The following CADPS variants were observed in gnomAD, a reference collection of about 807,000 sequenced individuals.
CADPS encodes the protein calcium dependent secretion activator.
Under a neutral mutation model 167.3 loss-of-function variants are expected in CADPS, and 57 were observed. The observed-to-expected ratio is 0.34, with a 90% CI of 0.28 to 0.42. The LOEUF is 0.42. Among genes scored for constraint, CADPS ranks in the 20% least tolerant of loss-of-function variants. CADPS has a pLI of 1.00. For missense variants in CADPS, 1,414 were observed against 1,738.1 expected (o/e 0.81, Z 3.32); for synonymous variants, 676 against 635.3 (o/e 1.06, Z -0.96).
intron 3 of CADPS, among the ~76,000 whole-genome samples, chr3:62,686,736 C>T (rs185900302): frequency 2.0e-5 from 3 of 151,994 alleles, no homozygotes; most frequent in Non-Finnish European, 4.4e-5. Flanking sequence ...ATTGGTGACT[C>T]ATAATAAGTA....
chr3:62,652,421 AAAT>A (rs1171050103), intron 4 of CADPS, among the ~76,000 whole-genome samples: 72 of 145,552 alleles, frequency 4.9e-4, no homozygotes, highest in African/African-American at 1.5e-3. Context: ...AAAAAAAAAA[AAAT>A]AAGCTGTGTA....
chr3:62,769,314 C>T (rs1308214199), intron 1 of CADPS, among the ~76,000 whole-genome samples: 1 of 150,454 alleles, frequency 6.6e-6, no homozygotes, highest in Non-Finnish European at 1.5e-5. Flanking sequence ...TCACTGCAAC[C>T]TCCACCTCCT....
At chr3:62,819,174 G>A (rs1400296990) in intron 1 of CADPS, among the ~76,000 whole-genome samples, 3 of 152,008 alleles carry the variant, frequency 2.0e-5, no homozygotes, top group East Asian at 3.9e-4. Context: ...TGTTTGAATG[G>A]ATGTAAATTA....
chr3:62,456,123 CA>C (rs954110565), intron 26 of CADPS, among the ~76,000 whole-genome samples: 2 of 152,048 alleles, frequency 1.3e-5, no homozygotes, highest in Admixed American at 1.3e-4. Flanking sequence ...ACTAGCTGTG[CA>C]AGTCATTTTC....
intron 4 of CADPS, among the ~76,000 whole-genome samples, chr3:62,657,657 T>A (rs1563448130): frequency 6.6e-6 from 1 of 152,186 alleles, no homozygotes; most frequent in Non-Finnish European, 1.5e-5. Context: ...TAAGGCAGCA[T>A]GACTGATGTT....
chr3:62,409,575 C>T (rs974729167), intron 28 of CADPS, among the ~76,000 whole-genome samples: 2 of 152,104 alleles, frequency 1.3e-5, no homozygotes, highest in African/African-American at 2.4e-5. Flanking sequence ...TGAATGAGTC[C>T]GAAGGCTACC....
intron 1 of CADPS, among the ~76,000 whole-genome samples, chr3:62,787,856 T>C (rs536638418): frequency 1.3e-5 from 2 of 152,324 alleles, no homozygotes; most frequent in East Asian, 3.9e-4. Context: ...CTTTGGCACA[T>C]GGTAAGTATG....
At chr3:62,463,496 A>G (rs2059613857) in intron 26 of CADPS, among the ~76,000 whole-genome samples, 1 of 152,096 alleles carries the variant, frequency 6.6e-6, no homozygotes, top group Non-Finnish European at 1.5e-5. Flanking sequence ...AATATTTCCC[A>G]CTCATGTGCC....
intron 16 of CADPS, among the ~76,000 whole-genome samples, chr3:62,515,209 G>A (rs1286897550): frequency 4.6e-5 from 7 of 152,066 alleles, no homozygotes; most frequent in Admixed American, 3.3e-4. Flanking sequence ...CATGTTTCAC[G>A]TGTGAGAGAA....
rs1250163102 is a variant in CADPS, at chr3:62,466,406, T to C, written c.3485A>G (p.Tyr1162Cys). The change falls in exon 25 of 30, where the codon TAC becomes TGC. Residue 1162 changes from tyrosine (Y) to cysteine (C), a missense_variant. Tyr to Cys is a radical substitution (Grantham distance 194). Coordinates refer to ENST00000383710, the MANE Select transcript of CADPS (RefSeq NM_003716.4). ...AATTAGTTCGTCTATTTTTGAATGG[T>C]ATTGATGCTAAGAACACAGAAAGAC... is the stretch of plus-strand genomic sequence containing the variant. ...CSMEMGQEHQ[Y>C]HSKIDELIEE... 2 of 1,601,268 alleles carry C rather than the reference T, an allele frequency of 1.2e-6. No individual in the cohort carries two copies. Among genetic ancestry groups the C allele is most frequent in the African/African-American group, 1.3e-5 (1 of 74,682 alleles).
At chr3:62,410,182 A>G (rs2048694203) in intron 28 of CADPS, among the ~76,000 whole-genome samples, 1 of 152,242 alleles carries the variant, frequency 6.6e-6, no homozygotes, top group Non-Finnish European at 1.5e-5. Context: ...CATACCATGC[A>G]GAAACACACA....
At chr3:62,872,856 C>T (rs2082877872) in intron 1 of CADPS, among the ~76,000 whole-genome samples, 1 of 152,084 alleles carries the variant, frequency 6.6e-6, no homozygotes, top group South Asian at 2.1e-4. Flanking sequence ...TTTTCATTGT[C>T]AAAGGAATGG....
intron 13 of CADPS, among the ~76,000 whole-genome samples, chr3:62,529,792 T>A (rs2073227067): frequency 1.3e-5 from 2 of 152,184 alleles, no homozygotes; most frequent in South Asian, 4.1e-4. Context: ...GTGAATAAAT[T>A]TATAATGATG....
At chr3:62,859,624 G>A (rs1559968677) in intron 1 of CADPS, among the ~76,000 whole-genome samples, 1 of 152,134 alleles carries the variant, frequency 6.6e-6, no homozygotes, top group Non-Finnish European at 1.5e-5. Context: ...GCAGTACATA[G>A]GCTGCCTGTG....
chr3:62,443,707 C>A (rs2056752040), intron 27 of CADPS, among the ~76,000 whole-genome samples: 1 of 152,130 alleles, frequency 6.6e-6, no homozygotes, highest in Non-Finnish European at 1.5e-5. Flanking sequence ...TCCCCTTCCG[C>A]CATGATTGTA....
chr3:62,825,920 T>G (rs1221101904), intron 1 of CADPS, among the ~76,000 whole-genome samples: 1 of 152,150 alleles, frequency 6.6e-6, no homozygotes, highest in Non-Finnish European at 1.5e-5. Flanking sequence ...TCGCAGCACT[T>G]AAGGCATCAG....
intron 28 of CADPS, among the ~76,000 whole-genome samples, chr3:62,419,517 C>T (rs573867623): frequency 3.9e-5 from 6 of 152,190 alleles, no homozygotes; most frequent in African/African-American, 1.4e-4. Context: ...AAGAAAATTC[C>T]AGTTTTGGTG....
intron 6 of CADPS, chr3:62,625,791 C>G (rs1386207731): frequency 1.3e-5 from 2 of 150,848 alleles, no homozygotes; most frequent in African/African-American, 2.5e-5. Flanking sequence ...TTTTCAAGAG[C>G]CATCTTCTCC....
chr3:62,678,976 C>T (rs1406937446), intron 3 of CADPS, among the ~76,000 whole-genome samples: 1 of 151,994 alleles, frequency 6.6e-6, no homozygotes, highest in African/African-American at 2.4e-5. Flanking sequence ...AGAAACCCCT[C>T]AGGGTTCCCA....
Sources: gnomAD v4.1 joint callset for allele counts (sites outside exome capture counted in the v4.1 genomes callset) on GRCh38, gnomAD v4.1.1 for gene constraint, MANE v1.5 for transcripts, NCBI Gene and HGNC (gene_info 2026-07-23, HGNC 2026-07-21) for gene names.